The following BRINP1 variants were observed in gnomAD, a reference collection of about 807,000 sequenced individuals.
The protein encoded by BRINP1 is BMP/retinoic acid inducible neural specific 1.
In BRINP1, 17 loss-of-function variants were observed where a neutral mutation model predicts 72.9. The observed-to-expected ratio is 0.23, with a 90% CI of 0.16 to 0.35. The LOEUF (loss-of-function observed/expected upper bound fraction) is 0.35, where lower values mean the gene tolerates loss of function less well. Ranked by LOEUF, BRINP1 falls within the 10% of genes least tolerant of loss-of-function variation. The probability of loss-of-function intolerance (pLI) is 1.00; values close to 1 mark genes in which losing one functional copy is unlikely to be tolerated. For synonymous variants in BRINP1, 418 were observed against 378.5 expected (o/e 1.10, Z -1.21); for missense variants, 850 against 1,001.6 (o/e 0.85, Z 2.04).
chr9:119,172,630 A>T (rs1283930419), intron 7 of BRINP1, among the ~76,000 whole-genome samples: 3 of 151,484 alleles, frequency 2.0e-5, no homozygotes, highest in African/African-American at 7.3e-5. Context: ...AACTCATTTT[A>T]TGAGGCCAGC....
chr9:119,237,032 G>A (rs978463072), intron 5 of BRINP1, among the ~76,000 whole-genome samples: 2 of 152,056 alleles, frequency 1.3e-5, no homozygotes, highest in Non-Finnish European at 2.9e-5. Context: ...TCTGTAACGG[G>A]AGCATGAATC....
chr9:119,177,515 G>A (rs1429771618), intron 7 of BRINP1, among the ~76,000 whole-genome samples: 3 of 152,106 alleles, frequency 2.0e-5, no homozygotes, highest in Admixed American at 2.0e-4. Flanking sequence ...ACTTGCCCCT[G>A]TCACTCCCTC....
At chr9:119,191,892 A>T (rs1005608046) in intron 7 of BRINP1, among the ~76,000 whole-genome samples, 2 of 151,912 alleles carry the variant, frequency 1.3e-5, no homozygotes, top group Non-Finnish European at 2.9e-5. Context: ...GAACTGGCAT[A>T]AAAAAACAGA....
At chr9:119,220,836 G>T (rs929944749) in intron 5 of BRINP1, among the ~76,000 whole-genome samples, 1 of 152,110 alleles carries the variant, frequency 6.6e-6, no homozygotes, top group African/African-American at 2.4e-5. Flanking sequence ...TGAAACATGA[G>T]CATGGTCTGA....
chr9:119,206,578 T>C (rs1194686594), intron 7 of BRINP1, among the ~76,000 whole-genome samples: 1 of 152,136 alleles, frequency 6.6e-6, no homozygotes, highest in East Asian at 1.9e-4. Context: ...ACCTTGATCT[T>C]GGACTTCTGG....
chr9:119,194,825 A>G (rs1182466353), intron 7 of BRINP1, among the ~76,000 whole-genome samples: 2 of 152,200 alleles, frequency 1.3e-5, no homozygotes, highest in African/African-American at 4.8e-5. Flanking sequence ...CATTGATTTC[A>G]GCCTGTGAAG....
chr9:119,174,855 A>C (rs1829462047), intron 7 of BRINP1, among the ~76,000 whole-genome samples: 1 of 151,218 alleles, frequency 6.6e-6, no homozygotes, highest in African/African-American at 2.4e-5. Context: ...TTCTCAGTCA[A>C]CTATCGCAAG....
intron 5 of BRINP1, among the ~76,000 whole-genome samples, chr9:119,232,422 C>A (rs1436607965): frequency 6.6e-6 from 1 of 152,124 alleles, no homozygotes; most frequent in East Asian, 1.9e-4. Flanking sequence ...TACTTCTCTG[C>A]CTAAATTTTC....
intron 1 of BRINP1, among the ~76,000 whole-genome samples, chr9:119,318,904 G>T (rs1250467263): frequency 2.0e-5 from 3 of 149,276 alleles, no homozygotes; most frequent in African/African-American, 5.0e-5. Flanking sequence ...TGAGACCTCA[G>T]CCTACAGTCC....
intron 7 of BRINP1, among the ~76,000 whole-genome samples, chr9:119,180,569 T>C (rs1374799079): frequency 6.6e-6 from 1 of 152,014 alleles, no homozygotes; most frequent in Non-Finnish European, 1.5e-5. Context: ...GGTGTCAGAA[T>C]ACTTGAGATT....
chr9:119,218,802 A>T (rs1308628385), intron 5 of BRINP1, among the ~76,000 whole-genome samples: 1 of 150,134 alleles, frequency 6.7e-6, no homozygotes, highest in East Asian at 2.0e-4. Flanking sequence ...TTGTATACTA[A>T]CAAAGAGAGA....
chr9:119,207,445 T>C (rs1829870497), intron 7 of BRINP1, among the ~76,000 whole-genome samples: 1 of 152,244 alleles, frequency 6.6e-6, no homozygotes, highest in South Asian at 2.1e-4. Context: ...TGCATCAACC[T>C]AAAATAGCTG....
intron 7 of BRINP1, among the ~76,000 whole-genome samples, chr9:119,175,469 A>G (rs1020982047): frequency 4.6e-5 from 7 of 151,966 alleles, no homozygotes; most frequent in Admixed American, 2.6e-4. Context: ...ATGTATACCT[A>G]TGTAACAAAC....
chr9:119,336,771 T>G (rs1323529104), intron 1 of BRINP1, among the ~76,000 whole-genome samples: 6 of 151,672 alleles, frequency 4.0e-5, no homozygotes, highest in African/African-American at 1.5e-4. Context: ...AGAGGGTGAA[T>G]TGTGGGGAAT....
rs141033489 is a variant in BRINP1, at chr9:119,268,489, C to A, written c.219-19339G>T. ...TTCATAGCTTGCAGGGAACACACAG[C>A]GCTAAGATCTCTACCATGCTGCCTT... On this transcript the variant is annotated intron_variant, in intron 2 of 7. Coordinates refer to ENST00000265922, the MANE Select transcript of BRINP1 (RefSeq NM_014618.3). 3.3e-5 allele frequency among the ~76,000 whole-genome samples: 5 copies of A among 152,122 alleles called. No individual in the cohort carries two copies. The South Asian group carries it at 1.0e-3, about 32-fold the overall frequency.
intron 1 of BRINP1, among the ~76,000 whole-genome samples, chr9:119,349,599 C>A (rs192651770): frequency 6.6e-6 from 1 of 152,074 alleles, no homozygotes; most frequent in Admixed American, 6.6e-5. Context: ...CCGGGGTTGG[C>A]CTAAATCTTT....
intron 7 of BRINP1, among the ~76,000 whole-genome samples, chr9:119,171,124 C>CATAACACTATTAA (rs1358419671): frequency 1.3e-5 from 2 of 150,568 alleles, no homozygotes; most frequent in Non-Finnish European, 3.0e-5. Context: ...CAAATTCACA[C>CATAACACTATTAA]ATAACACTAT....
intron 1 of BRINP1, among the ~76,000 whole-genome samples, chr9:119,316,851 G>A (rs911233549): frequency 6.6e-6 from 1 of 152,036 alleles, no homozygotes; most frequent in African/African-American, 2.4e-5. Context: ...TGACTTTCAA[G>A]TCTTATTGAG....
chr9:119,168,155 G>A lies in BRINP1; in HGVS notation c.1215C>T (p.Thr405=). ...CGCAGCTCCGCTGGCTCTCCAGGAAGGTTCCCCAAAACCCATTCTCATTAC... is the reference window on the plus strand; with the variant it reads ...CGCAGCTCCGCTGGCTCTCCAGGAAAGTTCCCCAAAACCCATTCTCATTAC... ...LYCNENGFWG[T]FLESQRSCVC... The change falls in exon 8 of 8, where the codon ACC becomes ACT. Residue 405 remains threonine (T), a synonymous_variant. Transcript: ENST00000265922. The A allele has an allele frequency of 6.3e-7, 1 of 1,587,518 alleles. No homozygotes were observed. Among genetic ancestry groups the A allele is most frequent in the Non-Finnish European group, 8.6e-7 (1 of 1,165,040 alleles).
Sources: allele counts gnomAD v4.1 joint callset (sites outside exome capture counted in the v4.1 genomes callset), GRCh38; gene constraint gnomAD v4.1.1; transcripts MANE v1.5; gene names NCBI Gene and HGNC (gene_info 2026-07-23, HGNC 2026-07-21).